TXNDC16: variants seen among roughly 807,000 people sequenced by gnomAD.
TXNDC16 encodes thioredoxin domain-containing protein 16.
In TXNDC16, 74 loss-of-function variants were observed where a neutral mutation model predicts 85.6. The observed-to-expected ratio is 0.86, with a 90% confidence interval of 0.72 to 1.05. TXNDC16 has a LOEUF of 1.05. Ranked by LOEUF, TXNDC16 falls within the 50% of genes least tolerant of loss-of-function variation. TXNDC16 has a pLI of 0.00. For synonymous variants in TXNDC16, 335 were observed against 326.5 expected (o/e 1.03, Z -0.28); for missense variants, 959 against 947.0 (o/e 1.01, Z -0.17).
chr14:52,493,909 T>C (rs915278018), intron 9 of TXNDC16, among the ~76,000 whole-genome samples: 1 of 151,910 alleles, frequency 6.6e-6, no homozygotes, highest in Non-Finnish European at 1.5e-5. Flanking sequence ...CTCCACCAAA[T>C]AGCTGGGACT....
intron 20 of TXNDC16, among the ~76,000 whole-genome samples, chr14:52,433,274 A>G (rs545637737): frequency 6.6e-6 from 1 of 152,312 alleles, no homozygotes; most frequent in East Asian, 1.9e-4. Flanking sequence ...TTATTTTAAA[A>G]TATTGGTTAT....
chr14:52,445,350 C>A (rs1266155798), intron 18 of TXNDC16, among the ~76,000 whole-genome samples: 1 of 151,876 alleles, frequency 6.6e-6, no homozygotes, highest in Non-Finnish European at 1.5e-5. Context: ...AGGACAGAAC[C>A]AAGACACAAA....
At chr14:52,480,570 A>C (rs1406569130) in intron 14 of TXNDC16, among the ~76,000 whole-genome samples, 1 of 152,204 alleles carries the variant, frequency 6.6e-6, no homozygotes, top group Non-Finnish European at 1.5e-5. Flanking sequence ...ACATGAAAAA[A>C]TGCTCAACAA....
chr14:52,488,594 G>A, intron 11 of TXNDC16, 108 bp from the exon 12 acceptor site: 4 of 835,510 alleles, frequency 4.8e-6, no homozygotes, highest in Non-Finnish European at 5.3e-6. Flanking sequence ...CCAGCACTTT[G>A]GGAGGTCGAG....
chr14:52,511,442 ACCATCC>A, intron 8 of TXNDC16, 52 bp from the exon 9 acceptor site: 3 of 1,210,058 alleles, frequency 2.5e-6, no homozygotes, highest in Non-Finnish European at 3.4e-6. Context: ...TGATCCTTCT[ACCATCC>A]AATAAGCTGT....
intron 7 of TXNDC16, among the ~76,000 whole-genome samples, chr14:52,516,866 T>C (rs2037094757): frequency 6.6e-6 from 1 of 152,104 alleles, no homozygotes; most frequent in African/African-American, 2.4e-5. Context: ...GAATTTAGCT[T>C]CTGTCACACT....
Position 52,530,017 on chromosome 14 carries a change from TTA to T in TXNDC16, c.392+6700_392+6701del, listed in dbSNP as rs1364663830. Reference sequence around the variant, plus strand: ...TCATATATATAATATATATTATATATTATATGTTATAATTATTTTTATGTAAT... The same window carrying T: ...TCATATATATAATATATATTATATATTATGTTATAATTATTTTTATGTAAT... On this transcript the variant is annotated intron_variant, in intron 6 of 20. Transcript: ENST00000281741. Among the ~76,000 whole-genome samples the T allele has an allele frequency of 7.8e-3, 787 of 101,002 alleles. 5 individuals carry two copies. The highest frequency in any genetic ancestry group is 0.011 in the Non-Finnish European group (647 of 57,538). 66.3% of individuals were successfully genotyped at this position (101,002 alleles called of 152,430 possible).
intron 19 of TXNDC16, among the ~76,000 whole-genome samples, chr14:52,439,683 G>A (rs954822542): frequency 3.3e-5 from 5 of 152,140 alleles, no homozygotes; most frequent in African/African-American, 7.2e-5. Context: ...TAGGCTTGAC[G>A]CAACCAGTAG....
At chr14:52,446,069 C>T (rs2035276683) in intron 18 of TXNDC16, among the ~76,000 whole-genome samples, 1 of 152,138 alleles carries the variant, frequency 6.6e-6, no homozygotes, top group African/African-American at 2.4e-5. Flanking sequence ...AATTTAACAA[C>T]TATCTACACA....
intron 18 of TXNDC16, among the ~76,000 whole-genome samples, 185 bp downstream of exon 18, chr14:52,455,139 A>T (rs538611796): frequency 3.9e-5 from 6 of 152,352 alleles, no homozygotes; most frequent in African/African-American, 1.4e-4. Context: ...AACTTTTAGC[A>T]GTGGACTCAA....
chr14:52,521,447 T>C (rs931200094), intron 6 of TXNDC16, among the ~76,000 whole-genome samples: 2 of 152,106 alleles, frequency 1.3e-5, no homozygotes, highest in Admixed American at 1.3e-4. Flanking sequence ...CAAATATCTT[T>C]AATTCGGACT....
intron 18 of TXNDC16, among the ~76,000 whole-genome samples, chr14:52,449,504 A>C (rs1295828753): frequency 6.6e-6 from 1 of 152,174 alleles, no homozygotes; most frequent in Non-Finnish European, 1.5e-5. Context: ...TAACAGCTGA[A>C]GATTTCAACA....
intron 9 of TXNDC16, among the ~76,000 whole-genome samples, chr14:52,508,179 TA>T (rs1437607677): frequency 1.3e-5 from 2 of 152,190 alleles, no homozygotes; most frequent in Admixed American, 6.5e-5. Flanking sequence ...GACAAAGGGC[TA>T]ATATCCAGAA....
At chr14:52,477,404 C>G (rs1311329395) in intron 14 of TXNDC16, among the ~76,000 whole-genome samples, 3 of 152,096 alleles carry the variant, frequency 2.0e-5, no homozygotes, top group East Asian at 3.9e-4. Context: ...ATTCACCAAC[C>G]AACTATCTGC....
chr14:52,539,398 A>G (rs1390350323), intron 4 of TXNDC16, among the ~76,000 whole-genome samples: 1 of 152,232 alleles, frequency 6.6e-6, no homozygotes, highest in African/African-American at 2.4e-5. Context: ...AATAACAGAA[A>G]GATGACCACT....
At chr14:52,504,918 A>G (rs1268709353) in intron 9 of TXNDC16, among the ~76,000 whole-genome samples, 4 of 152,216 alleles carry the variant, frequency 2.6e-5, no homozygotes, top group South Asian at 2.1e-4. Context: ...AGGGGTTGCA[A>G]TCCTAGACTC....
chr14:52,496,132 C>T (rs2036526826), intron 9 of TXNDC16, among the ~76,000 whole-genome samples: 1 of 151,448 alleles, frequency 6.6e-6, no homozygotes, highest in Non-Finnish European at 1.5e-5. Flanking sequence ...TGCACTCCAG[C>T]CTGGGTGACA....
At chr14:52,438,811 C>T (rs1286592654) in intron 20 of TXNDC16, among the ~76,000 whole-genome samples, 1 of 152,104 alleles carries the variant, frequency 6.6e-6, no homozygotes, top group African/African-American at 2.4e-5. Flanking sequence ...CTGGCATGCA[C>T]ATGGAAAAAG....
intron 1 of TXNDC16, among the ~76,000 whole-genome samples, chr14:52,550,926 A>C (rs902998098): frequency 1.6e-4 from 24 of 152,240 alleles, no homozygotes; most frequent in African/African-American, 4.8e-4. Flanking sequence ...CTCTAAAAAT[A>C]CATGAGATGA....
Sources: gnomAD v4.1 joint callset for allele counts (sites outside exome capture counted in the v4.1 genomes callset) on GRCh38, gnomAD v4.1.1 for gene constraint, MANE v1.5 for transcripts, NCBI Gene and HGNC (gene_info 2026-07-23, HGNC 2026-07-21) for gene names.